PTPRN2: variants seen among roughly 807,000 people sequenced by gnomAD.
PTPRN2 encodes the protein receptor-type tyrosine-protein phosphatase N2.
A neutral mutation model predicts 118.8 loss-of-function variants in PTPRN2; 74 were observed. The ratio of observed to expected loss-of-function variants is 0.62; its 90% CI spans 0.52 to 0.76. The LOEUF is 0.76. Among genes scored for constraint, PTPRN2 ranks in the 30% least tolerant of loss-of-function variants. The pLI is 0.00. For missense variants in PTPRN2, 1,481 were observed against 1,394.4 expected (o/e 1.06, Z -0.99); for synonymous variants, 641 against 608.0 (o/e 1.05, Z -0.80).
intron 11 of PTPRN2, among the ~76,000 whole-genome samples, chr7:157,919,918 C>T (rs941542089): frequency 6.6e-6 from 1 of 152,202 alleles, no homozygotes; most frequent in Non-Finnish European, 1.5e-5. Context: ...ATTACCTTTT[C>T]TATGTGCAAA....
intron 2 of PTPRN2, among the ~76,000 whole-genome samples, chr7:158,389,590 C>A (rs1011939065): frequency 6.6e-6 from 1 of 152,298 alleles, no homozygotes; most frequent in South Asian, 2.1e-4. Context: ...ATGGGATCTG[C>A]GAAAGATCAA....
chr7:158,005,449 TA>T (rs781488644), intron 11 of PTPRN2, among the ~76,000 whole-genome samples: 96 of 151,416 alleles, frequency 6.3e-4, no homozygotes, highest in African/African-American at 1.7e-3. Context: ...CTGATTTCTT[TA>T]AAAAAAAATG....
At chr7:158,255,951 T>C (rs1796995378) in intron 3 of PTPRN2, among the ~76,000 whole-genome samples, 2 of 152,234 alleles carry the variant, frequency 1.3e-5, no homozygotes, top group South Asian at 4.1e-4. Flanking sequence ...GCCTCAGAAC[T>C]ACCTCTGTCC....
Position 157,687,833 on chromosome 7 carries a change from A to C in PTPRN2, c.1789-4896T>G, listed in dbSNP as rs1797270563. Among the ~76,000 whole-genome samples the C allele has an allele frequency of 3.3e-5, 5 of 152,372 alleles. No individual in the cohort carries two copies. The South Asian group carries it at 1.0e-3, about 32-fold the overall frequency. On this transcript the variant is annotated intron_variant, in intron 12 of 22. Coordinates refer to ENST00000389418, the MANE Select transcript of PTPRN2 (RefSeq NM_002847.5). Reference sequence around the variant, plus strand: ...CACGGGGGAAGGGGTGTCTTAAAATATTTTAAAAGTATTTTTTAAAGCTGT... The same window carrying C: ...CACGGGGGAAGGGGTGTCTTAAAATCTTTTAAAAGTATTTTTTAAAGCTGT...
intron 3 of PTPRN2, among the ~76,000 whole-genome samples, chr7:158,243,769 A>G (rs7795170): frequency 0.58 from 87,918 of 151,916 alleles, 25,858 homozygotes; most frequent in Non-Finnish European, 0.64. Context: ...AGTCTCTGCT[A>G]AGTACTAAGC....
chr7:157,611,707 G>A lies in PTPRN2; in HGVS notation c.2345-7632C>T, dbSNP rs1802350998. On this transcript the variant is annotated intron_variant, in intron 15 of 22. Transcript: ENST00000389418. The surrounding 1 kb of genome is among the most constrained non-coding windows in gnomAD (Gnocchi z 5.9). ...GGAGGGAGAGCGCCCGTGTGAAGAC[G>A]AAGACAGCCGCGGTCATGCTGGGGA... Among the ~76,000 whole-genome samples the A allele has an allele frequency of 1.3e-5, 2 of 152,108 alleles. No homozygotes were observed. The highest frequency in any genetic ancestry group is 2.1e-4 in the South Asian group (1 of 4,818).
intron 10 of PTPRN2, among the ~76,000 whole-genome samples, chr7:158,109,620 G>A (rs1202571738): frequency 2.6e-5 from 4 of 151,606 alleles, no homozygotes; most frequent in South Asian, 2.1e-4. Context: ...AGTGAATGAC[G>A]TCACCCATGT....
intron 3 of PTPRN2, among the ~76,000 whole-genome samples, chr7:158,251,411 C>G (rs191613625): frequency 1.4e-5 from 2 of 145,788 alleles, no homozygotes; most frequent in Non-Finnish European, 3.0e-5. Context: ...GCATGTGGGG[C>G]GTGTGCAGGT....
chr7:157,766,822 C>T (rs898463036), intron 12 of PTPRN2, among the ~76,000 whole-genome samples: 1 of 152,228 alleles, frequency 6.6e-6, no homozygotes, highest in Non-Finnish European at 1.5e-5. Context: ...AAACACGTCC[C>T]CTTGGCTACC....
chr7:157,967,524 G>A (rs970054037), intron 11 of PTPRN2, among the ~76,000 whole-genome samples: 2 of 152,104 alleles, frequency 1.3e-5, no homozygotes, highest in Non-Finnish European at 2.9e-5. Context: ...TCTGTTTGTT[G>A]GACCGTAAAG....
chr7:157,586,910 G>C (rs1172163440), intron 17 of PTPRN2, among the ~76,000 whole-genome samples: 1 of 152,198 alleles, frequency 6.6e-6, no homozygotes, highest in African/African-American at 2.4e-5. Flanking sequence ...TTAAAAATTA[G>C]GTGGTGTAGG....
rs977226570 is a variant in PTPRN2 at position 158,003,736 on chromosome 7, C to T, written c.1723+77562G>A. Reference sequence around the variant, plus strand: ...GCTCCAGCCCTGCGGTTGGCGGGATCCAGGTTTCTTGGTGGTGGCGAGCTT... The same window carrying T: ...GCTCCAGCCCTGCGGTTGGCGGGATTCAGGTTTCTTGGTGGTGGCGAGCTT... On this transcript the variant is annotated intron_variant, in intron 11 of 22. Transcript: ENST00000389418. The surrounding 1 kb of genome is among the most constrained non-coding windows in gnomAD (Gnocchi z 5.0). Among the ~76,000 whole-genome samples the T allele has an allele frequency of 5.9e-5, 9 of 152,248 alleles. No individual in the cohort carries two copies. Among genetic ancestry groups the T allele is most frequent in the Non-Finnish European group, 1.5e-5 (1 of 68,016 alleles).
chr7:158,084,085 G>C (rs1813060856), intron 10 of PTPRN2, among the ~76,000 whole-genome samples: 1 of 152,130 alleles, frequency 6.6e-6, no homozygotes, highest in Non-Finnish European at 1.5e-5. Flanking sequence ...AGGTCCTCTT[G>C]GACTTGCTTT....
chr7:157,741,737 C>T (rs370054405), intron 12 of PTPRN2, among the ~76,000 whole-genome samples: 10 of 152,152 alleles, frequency 6.6e-5, no homozygotes, highest in Non-Finnish European at 1.3e-4. Flanking sequence ...GTCTCTGTGG[C>T]CCTTGGGAAG....
chr7:158,400,828 C>T (rs887955161), intron 2 of PTPRN2, among the ~76,000 whole-genome samples: 14 of 152,188 alleles, frequency 9.2e-5, no homozygotes, highest in Non-Finnish European at 1.3e-4. Context: ...GCAGCTGAGA[C>T]GGATCCTCAG....
rs74699762 is a variant in PTPRN2 at position 158,349,871 on chromosome 7, G to A, written c.164-32939C>T. 9.3e-3 allele frequency among the ~76,000 whole-genome samples: 1,402 copies of A among 151,210 alleles called. 56 individuals are homozygous for A. The highest frequency in any genetic ancestry group is 0.086 in the East Asian group (433 of 5,036). On this transcript the variant is annotated intron_variant, in intron 2 of 22. Coordinates refer to ENST00000389418, the MANE Select transcript of PTPRN2 (RefSeq NM_002847.5). ...GAGGGCAGTGCTGAGGATGGCCCAC[G>A]TCACTGTGCTCCCTGGGTGGTCCCT...
At chr7:157,576,585 T>TG (rs1800056320) in intron 19 of PTPRN2, 28 bp downstream of exon 19, 1 of 1,588,796 alleles carries the variant, frequency 6.3e-7, no homozygotes, top group Admixed American at 1.7e-5. Flanking sequence ...CAGCGCGCAC[T>TG]GCCCTGCCGG....
chr7:157,907,818 C>A (rs572778333), intron 11 of PTPRN2, among the ~76,000 whole-genome samples: 1 of 152,272 alleles, frequency 6.6e-6, no homozygotes, highest in South Asian at 2.1e-4. Flanking sequence ...GTCCTCAGGC[C>A]CTGACTGGCA....
In PTPRN2 at chr7:157,716,619, A is replaced by G. The variant is rs112989194; in HGVS notation, c.1789-33682T>C. 2.0e-4 allele frequency among the ~76,000 whole-genome samples: 12 copies of G among 60,800 alleles called. 1 individual carries two copies. Among genetic ancestry groups the G allele is most frequent in the East Asian group, 4.8e-4 (1 of 2,090 alleles). The allele number at this position is 60,800 out of a possible 152,430, so 39.9% of individuals were successfully genotyped here. ...CACTGCCTGGTCACACAGACTCTGCAGGAACACTGCCTGGCCACGTAGACT... is the reference window on the plus strand; with the variant it reads ...CACTGCCTGGTCACACAGACTCTGCGGGAACACTGCCTGGCCACGTAGACT... On this transcript the variant is annotated intron_variant, in intron 12 of 22. Transcript: ENST00000389418.
Sources: gnomAD v4.1 joint callset for allele counts (sites outside exome capture counted in the v4.1 genomes callset) on GRCh38, gnomAD v4.1.1 for gene constraint, Gnocchi (gnomAD v3.1) non-coding constraint, MANE v1.5 for transcripts, NCBI Gene and HGNC (gene_info 2026-07-23, HGNC 2026-07-21) for gene names.